PLPP7: variants seen among roughly 807,000 people sequenced by gnomAD.
The protein encoded by PLPP7 is phospholipid phosphatase 7 (inactive), also known as inactive phospholipid phosphatase 7.
PLPP7 carries 11 observed loss-of-function variants against 16.9 expected under a neutral mutation model. The observed-to-expected ratio is 0.65, with a 90% CI of 0.41 to 1.08. PLPP7 has a LOEUF of 1.08. PLPP7 is among the 50% of genes least tolerant of loss of function. The probability of loss-of-function intolerance (pLI) is 0.00; values close to 1 mark genes in which losing one functional copy is unlikely to be tolerated. For missense variants in PLPP7, 358 were observed against 397.1 expected (o/e 0.90, Z 0.84); for synonymous variants, 174 against 175.1 (o/e 0.99, Z 0.05).
rs78109306 is a variant in PLPP7, at chr9:131,298,631, G to A, written c.451+8183G>A. ...GGTCACCCCAGCTGCCCCTCTTCCC[G>A]CAGTGCACATAGCTGCTGGCAGACA... On this transcript the variant is annotated intron_variant, in intron 1 of 1. Coordinates refer to ENST00000372264, the MANE Select transcript of PLPP7 (RefSeq NM_032728.4). Among the ~76,000 whole-genome samples the A allele has an allele frequency of 8.9e-3, 1,353 of 152,268 alleles. 21 individuals carry two copies. The highest frequency in any genetic ancestry group is 0.031 in the African/African-American group (1,293 of 41,556).
intron 1 of PLPP7, among the ~76,000 whole-genome samples, chr9:131,307,106 C>G (rs756023198): frequency 4.0e-5 from 6 of 151,322 alleles, no homozygotes; most frequent in Non-Finnish European, 8.8e-5. Context: ...ATTAGCCAAG[C>G]ATGGTAGTGT....
rs543968552 is a variant in PLPP7 at position 131,301,984 on chromosome 9, T to C, written c.452-5939T>C. Among the ~76,000 whole-genome samples, 48 of 151,682 alleles carry C rather than the reference T, an allele frequency of 3.2e-4. No individual in the cohort carries two copies. In the East Asian group the frequency reaches 8.5e-3, roughly 27 times the overall value. Reference sequence around the variant, plus strand: ...GGTGCCCGCCACCATGCCCAGCTAATTTTTTTGTATTTTTAGTAGAGACGG... The same window carrying C: ...GGTGCCCGCCACCATGCCCAGCTAACTTTTTTGTATTTTTAGTAGAGACGG... On this transcript the variant is annotated intron_variant, in intron 1 of 1. Coordinates refer to ENST00000372264, the MANE Select transcript of PLPP7 (RefSeq NM_032728.4).
In PLPP7 at chr9:131,308,011, C is replaced by T; in HGVS notation, c.540C>T (p.Asp180=). The T allele has an allele frequency of 6.2e-7, 1 of 1,601,006 alleles. No homozygotes were observed. The highest frequency in any genetic ancestry group is 1.1e-5 in the South Asian group (1 of 91,070). The change falls in exon 2 of 2, where the codon GAC becomes GAT. Residue 180 remains aspartate (D), a synonymous_variant. Coordinates refer to ENST00000372264, the MANE Select transcript of PLPP7 (RefSeq NM_032728.4). ...GPYETSPSLL[D]YLTMDIYAFP... ...ACGAGACGAGCCCCAGCCTCCTGGA[C>T]TACCTCACCATGGACATCTACGCCT...
intron 1 of PLPP7, among the ~76,000 whole-genome samples, chr9:131,293,943 C>T: frequency 6.6e-6 from 1 of 152,188 alleles, no homozygotes; most frequent in East Asian, 1.9e-4. Flanking sequence ...GGAGCAAGAC[C>T]TCCGAGCTTG....
At chr9:131,305,272 G>A (rs1008449142) in intron 1 of PLPP7, among the ~76,000 whole-genome samples, 3 of 152,164 alleles carry the variant, frequency 2.0e-5, no homozygotes, top group Non-Finnish European at 2.9e-5. Context: ...AATTGTGGCC[G>A]GGCACAGTGG....
intron 1 of PLPP7, among the ~76,000 whole-genome samples, chr9:131,297,647 A>C (rs1835749477): frequency 6.6e-6 from 1 of 152,150 alleles, no homozygotes. Flanking sequence ...CCGCCTCCCA[A>C]AGTGCTGGGA....
rs2131223098 is a variant in PLPP7, at chr9:131,308,646, G to A, written c.*359G>A. 3.6e-6 allele frequency: 1 copy of A among 274,012 alleles called. No homozygotes were observed. The highest frequency in any genetic ancestry group is 7.1e-6 in the Non-Finnish European group (1 of 141,800). The allele number at this position is 274,012 out of a possible 1,614,324, so 17.0% of individuals were successfully genotyped here. A position where few individuals can be genotyped will look rare whatever the true frequency, so the allele number is the denominator to read the frequency against. ...GTCCTTTCATCATCATGACTGTTGA[G>A]TTCTTGGCTGTGCCCATCACGCCAC... On this transcript the variant is annotated 3_prime_UTR_variant, in exon 2 of 2. Coordinates refer to ENST00000372264, the MANE Select transcript of PLPP7 (RefSeq NM_032728.4).
chr9:131,300,114 G>T (rs775128812), intron 1 of PLPP7, among the ~76,000 whole-genome samples: 9 of 152,200 alleles, frequency 5.9e-5, no homozygotes, highest in Non-Finnish European at 1.2e-4. Flanking sequence ...AGGCTGGGAA[G>T]TCCAAGGCTG....
Position 131,289,816 on chromosome 9 carries a change from T to A in PLPP7, c.-182T>A, listed in dbSNP as rs1259566003. ...CTGCCCGGCTGGCACTGACGTCCCC[T>A]TGGAGCTGGGTGGCAGAGGAGATAA... On this transcript the variant is annotated 5_prime_UTR_variant, in exon 1 of 2. It adds an upstream start codon to the 5' untranslated region. Transcript: ENST00000372264. 1 of 456,138 alleles carries A rather than the reference T, an allele frequency of 2.2e-6. No homozygotes were observed. The highest frequency in any genetic ancestry group is 3.6e-6 in the Non-Finnish European group (1 of 277,260). 28.3% of individuals were successfully genotyped at this position (456,138 alleles called of 1,614,324 possible).
In PLPP7 at chr9:131,308,092, C is replaced by T; in HGVS notation, c.621C>T (p.His207=). 1.2e-6 allele frequency: 2 copies of T among 1,601,412 alleles called. No individual in the cohort carries two copies. Among genetic ancestry groups the T allele is most frequent in the Non-Finnish European group, 1.7e-6 (2 of 1,179,804 alleles). Residue 207 remains histidine (H), a synonymous_variant, in exon 2 of 2, where the codon CAC becomes CAT. Transcript: ENST00000372264. Reference sequence around the variant, plus strand: ...TGGTGTCCAAGTTCTTCCTCAGCCACCTGGTGCTGGCGGTGCCCCTGCGTG... The same window carrying T: ...TGGTGTCCAAGTTCTTCCTCAGCCATCTGGTGCTGGCGGTGCCCCTGCGTG... ...AAMVSKFFLS[H]LVLAVPLRVL...
chr9:131,299,655 C>A (rs1835774308), intron 1 of PLPP7, among the ~76,000 whole-genome samples: 1 of 152,124 alleles, frequency 6.6e-6, no homozygotes, highest in African/African-American at 2.4e-5. Context: ...CAGACGGCTG[C>A]GGCATGGTGA....
intron 1 of PLPP7, chr9:131,291,120 G>T (rs141816152): frequency 3.7e-5 from 50 of 1,366,334 alleles, no homozygotes; most frequent in Non-Finnish European, 4.7e-5. Flanking sequence ...GATTAGCACC[G>T]CCCTGTGCCA....
In PLPP7 at chr9:131,292,071, C is replaced by T. The variant is rs540140992; in HGVS notation, c.451+1623C>T. 8.0e-4 allele frequency among the ~76,000 whole-genome samples: 122 copies of T among 152,350 alleles called. 1 individual carries two copies. The highest frequency in any genetic ancestry group is 2.8e-3 in the African/African-American group (117 of 41,586). ...ATTTGCACTGGCTCCAGCTGACACACAGGCCTCTGCTCTTCCAGGTGCTGT... is the reference window on the plus strand; with the variant it reads ...ATTTGCACTGGCTCCAGCTGACACATAGGCCTCTGCTCTTCCAGGTGCTGT... On this transcript the variant is annotated intron_variant, in intron 1 of 1. Coordinates refer to ENST00000372264, the MANE Select transcript of PLPP7 (RefSeq NM_032728.4).
chr9:131,307,896 C>T (rs763335818), intron 1 of PLPP7, 27 bp from the exon 2 acceptor site: 2 of 1,549,154 alleles, frequency 1.3e-6, no homozygotes, highest in Non-Finnish European at 1.7e-6. Flanking sequence ...CCCTGATGGC[C>T]CAGGGGCCTC....
chr9:131,292,772 TG>T, intron 1 of PLPP7: 2 of 953,952 alleles, frequency 2.1e-6, no homozygotes, highest in Non-Finnish European at 1.2e-6. Flanking sequence ...AGCTCTGCTT[TG>T]TTTTTTTTTT....
At chr9:131,305,313 G>A (rs1399005139) in intron 1 of PLPP7, among the ~76,000 whole-genome samples, 1 of 152,210 alleles carries the variant, frequency 6.6e-6, no homozygotes, top group Non-Finnish European at 1.5e-5. Flanking sequence ...ACTTTGGGAG[G>A]CTGAGGTAGG....
chr9:131,308,354 G>C lies in PLPP7; in HGVS notation c.*67G>C. 1 of 1,489,688 alleles carries C rather than the reference G, an allele frequency of 6.7e-7. No homozygotes were observed. The highest frequency in any genetic ancestry group is 1.3e-5 in the South Asian group (1 of 75,440). The allele number at this position is 1,489,688 out of a possible 1,614,324, so 92.3% of individuals were successfully genotyped here. On this transcript the variant is annotated 3_prime_UTR_variant, in exon 2 of 2. Coordinates refer to ENST00000372264, the MANE Select transcript of PLPP7 (RefSeq NM_032728.4). ...CCCTAGAGAAGGGGCAGGGGGTGGC[G>C]AGGTGGCGGGCGTGGGTGGAACAGA...
At chr9:131,305,629 G>C (rs1356582896) in intron 1 of PLPP7, among the ~76,000 whole-genome samples, 1 of 151,966 alleles carries the variant, frequency 6.6e-6, no homozygotes, top group Non-Finnish European at 1.5e-5. Context: ...GGGTAGCTGG[G>C]ATGAGAGGCG....
At chr9:131,297,748 A>C (rs1317344780) in intron 1 of PLPP7, among the ~76,000 whole-genome samples, 3 of 152,200 alleles carry the variant, frequency 2.0e-5, no homozygotes, top group African/African-American at 7.2e-5. Flanking sequence ...AAAGATTTTA[A>C]AGTGCAGAAT....
Sources: allele counts gnomAD v4.1 joint callset (sites outside exome capture counted in the v4.1 genomes callset), GRCh38; gene constraint gnomAD v4.1.1; transcripts MANE v1.5; gene names NCBI Gene and HGNC (gene_info 2026-07-23, HGNC 2026-07-21).